Variants in CLNK observed in about 807,000 individuals in gnomAD.
CLNK encodes the protein cytokine-dependent hematopoietic cell linker.
A neutral mutation model predicts 68.6 loss-of-function variants in CLNK; 74 were observed. That is an observed-to-expected ratio of 1.08 (90% CI 0.89 to 1.31). The LOEUF is 1.31. Ranked by LOEUF, CLNK falls within the 50% of genes most tolerant of loss-of-function variation. The probability of loss-of-function intolerance (pLI) is 0.00; values close to 1 mark genes in which losing one functional copy is unlikely to be tolerated. For synonymous variants in CLNK, 198 were observed against 172.2 expected (o/e 1.15, Z -1.17); for missense variants, 553 against 515.3 (o/e 1.07, Z -0.71).
chr4:10,634,277 A>G (rs1220874705), intron 2 of CLNK, among the ~76,000 whole-genome samples: 8 of 152,158 alleles, frequency 5.3e-5, no homozygotes, highest in Non-Finnish European at 8.8e-5. Context: ...GAAGTTTTGG[A>G]TATAAAAGGA....
chr4:10,699,278 C>CGTATGTGTGTATACACA, the CLNK span, among the ~76,000 whole-genome samples: 3 of 101,054 alleles, frequency 3.0e-5, no homozygotes, highest in African/African-American at 4.0e-5. Context: ...CACACACACA[C>CGTATGTGTGTATACACA]CACATACGTG....
chr4:10,547,991 G>A, intron 8 of CLNK, among the ~76,000 whole-genome samples: 1 of 151,958 alleles, frequency 6.6e-6, no homozygotes, highest in Non-Finnish European at 1.5e-5. Context: ...TCAATTCTTT[G>A]GGTATATACT....
intron 18 of CLNK, among the ~76,000 whole-genome samples, chr4:10,493,763 A>G (rs1285824179): frequency 6.6e-6 from 1 of 152,178 alleles, no homozygotes; most frequent in Non-Finnish European, 1.5e-5. Context: ...TTGTAACCAG[A>G]GGGCCTGTGG....
Position 10,490,416 on chromosome 4 carries a change from A to G in CLNK, c.*51T>C. ...GAAAATAAACTTTTGAAATCAATGA[A>G]AACAATGGAAGCGCTGAATCCAGTA... On this transcript the variant is annotated 3_prime_UTR_variant, in exon 19 of 19. Coordinates refer to ENST00000226951, the MANE Select transcript of CLNK (RefSeq NM_052964.4). 2.5e-6 allele frequency: 4 copies of G among 1,574,108 alleles called. No homozygotes were observed. The highest frequency in any genetic ancestry group is 2.4e-5 in the South Asian group (2 of 83,572).
chr4:10,659,225 A>AC (rs1157370969), intron 2 of CLNK, among the ~76,000 whole-genome samples: 2 of 152,156 alleles, frequency 1.3e-5, no homozygotes, highest in African/African-American at 4.8e-5. Flanking sequence ...CGTAACACAC[A>AC]AAAAAATGGT....
chr4:10,510,583 T>C (rs1560194496), intron 16 of CLNK, among the ~76,000 whole-genome samples: 1 of 152,174 alleles, frequency 6.6e-6, no homozygotes, highest in East Asian at 1.9e-4. Context: ...TGATGGGAAG[T>C]AGGGGTCAGA....
At chr4:10,669,970 G>T (rs1250365717) in intron 1 of CLNK, among the ~76,000 whole-genome samples, 2 of 152,132 alleles carry the variant, frequency 1.3e-5, no homozygotes, top group East Asian at 1.9e-4. Flanking sequence ...ATACTGGAAG[G>T]GTCCTGGACT....
At chr4:10,585,014 G>A (rs905877348) in intron 3 of CLNK, 59 bp from the exon 4 acceptor site, 65 of 1,573,530 alleles carry the variant, frequency 4.1e-5, no homozygotes, top group East Asian at 6.8e-5. Context: ...CCGACCCCCC[G>A]CCACATAGGA....
intron 2 of CLNK, among the ~76,000 whole-genome samples, chr4:10,613,258 G>A (rs570378246): frequency 1.3e-5 from 2 of 152,256 alleles, no homozygotes; most frequent in Admixed American, 6.5e-5. Context: ...GGGTGGGGTG[G>A]GCAGGTGGGT....
the CLNK span, among the ~76,000 whole-genome samples, chr4:10,692,553 A>G: frequency 6.6e-6 from 1 of 152,206 alleles, no homozygotes; most frequent in African/African-American, 2.4e-5. Context: ...ATATTTTATG[A>G]CAGACTAAGA....
intron 14 of CLNK, chr4:10,523,922 G>A (rs1321869872): frequency 2.6e-6 from 1 of 386,564 alleles, no homozygotes; most frequent in Non-Finnish European, 5.1e-6. Context: ...CTACTCTGGG[G>A]GATGATGTGG....
chr4:10,501,149 C>T (rs935429656), intron 18 of CLNK, 107 bp downstream of exon 18: 27 of 1,152,468 alleles, frequency 2.3e-5, no homozygotes, highest in Non-Finnish European at 2.9e-5. Context: ...AGACTGCATC[C>T]CTCTCCTTCA....
intron 1 of CLNK, among the ~76,000 whole-genome samples, chr4:10,676,925 A>T (rs1357029170): frequency 6.6e-6 from 1 of 151,752 alleles, no homozygotes; most frequent in Non-Finnish European, 1.5e-5. Flanking sequence ...AGTTTGCCAA[A>T]ATCCTAACAG....
At chr4:10,683,148 A>T (rs890555246) in intron 1 of CLNK, among the ~76,000 whole-genome samples, 5 of 152,270 alleles carry the variant, frequency 3.3e-5, no homozygotes, top group East Asian at 3.9e-4. Flanking sequence ...GGAAATGAGG[A>T]TCATATATGA....
At chr4:10,547,316 A>G (rs1719273207) in intron 8 of CLNK, among the ~76,000 whole-genome samples, 1 of 152,290 alleles carries the variant, frequency 6.6e-6, no homozygotes, top group Non-Finnish European at 1.5e-5. Flanking sequence ...TCATTAAGGT[A>G]TCACTGACAT....
intron 2 of CLNK, among the ~76,000 whole-genome samples, chr4:10,602,175 CA>C (rs1040703603): frequency 6.6e-6 from 1 of 152,230 alleles, no homozygotes; most frequent in African/African-American, 2.4e-5. Flanking sequence ...TCCTCCTTCA[CA>C]TTTTCCTTGC....
chr4:10,692,041 T>G, the CLNK span: 10 of 115,108 alleles, frequency 8.7e-5, no homozygotes, highest in African/African-American at 2.9e-4. Context: ...TTTTTAAATG[T>G]TTTTTTTTTC....
chr4:10,658,512 G>A (rs1409758894), intron 2 of CLNK, among the ~76,000 whole-genome samples: 1 of 152,172 alleles, frequency 6.6e-6, no homozygotes, highest in Non-Finnish European at 1.5e-5. Flanking sequence ...TCATTCAGAT[G>A]GTTATTTCAG....
the CLNK span, among the ~76,000 whole-genome samples, chr4:10,727,903 G>A: frequency 6.6e-6 from 1 of 152,322 alleles, no homozygotes; most frequent in East Asian, 1.9e-4. Flanking sequence ...CAGAAAATCT[G>A]AAGATGGGGC....
Sources: allele counts gnomAD v4.1 joint callset (sites outside exome capture counted in the v4.1 genomes callset), GRCh38; gene constraint gnomAD v4.1.1; transcripts MANE v1.5; gene names NCBI Gene and HGNC (gene_info 2026-07-23, HGNC 2026-07-21).